ANKRD18A: variants seen among roughly 807,000 people sequenced by gnomAD.
ANKRD18A encodes the protein ankyrin repeat domain 18A, also known as ankyrin repeat domain-containing protein 18A.
A neutral mutation model predicts 110.6 loss-of-function variants in ANKRD18A; 72 were observed. That is an observed-to-expected ratio of 0.65 (90% CI 0.54 to 0.79). The LOEUF is 0.79. Ranked by LOEUF, ANKRD18A falls within the 30% of genes least tolerant of loss-of-function variation. The pLI is 0.00. For synonymous variants in ANKRD18A, 305 were observed against 410.3 expected (o/e 0.74, Z 3.10); for missense variants, 934 against 1,163.3 (o/e 0.80, Z 2.87).
downstream of ANKRD18A, chr9:38,571,183 C>G (rs747933696): frequency 5.9e-6 from 9 of 1,532,556 alleles, no homozygotes; most frequent in South Asian, 2.4e-5. Flanking sequence ...GGGAAGGGCT[C>G]GCCTGTGCTT....
chr9:38,592,236 C>G (rs1824682139), intron 10 of ANKRD18A, among the ~76,000 whole-genome samples: 1 of 151,912 alleles, frequency 6.6e-6, no homozygotes, highest in Non-Finnish European at 1.5e-5. Context: ...ATATTTTGTT[C>G]TATGCTGAAA....
intron 8 of ANKRD18A, among the ~76,000 whole-genome samples, chr9:38,597,848 G>A (rs1301295087): frequency 3.3e-5 from 5 of 152,088 alleles, no homozygotes; most frequent in African/African-American, 1.2e-4. Flanking sequence ...CTACTTATAT[G>A]ATAAAATCAT....
At chr9:38,590,470 T>C (rs1316385936) in intron 10 of ANKRD18A, among the ~76,000 whole-genome samples, 1 of 152,152 alleles carries the variant, frequency 6.6e-6, no homozygotes, top group East Asian at 1.9e-4. Flanking sequence ...CAGGCTCTTC[T>C]TGTACTTCTG....
chr9:38,611,689 A>T (rs1825627200), intron 3 of ANKRD18A, among the ~76,000 whole-genome samples: 2 of 152,130 alleles, frequency 1.3e-5, no homozygotes, highest in African/African-American at 4.8e-5. Flanking sequence ...AACCTAAGAC[A>T]TAGTAGCGAA....
chr9:38,594,378 T>G (rs1228752045), intron 9 of ANKRD18A, among the ~76,000 whole-genome samples: 1 of 152,176 alleles, frequency 6.6e-6, no homozygotes, highest in Admixed American at 6.6e-5. Flanking sequence ...GGGGATTCAA[T>G]GTCAAACTCA....
At chr9:38,576,291 G>C (rs151054495) in intron 14 of ANKRD18A, among the ~76,000 whole-genome samples, 3,119 of 152,246 alleles carry the variant, frequency 0.02, 55 homozygotes, top group Non-Finnish European at 0.03. Context: ...ATAACTCAGA[G>C]CAACAACTCC....
chr9:38,580,370 G>A (rs1824104519), intron 12 of ANKRD18A, among the ~76,000 whole-genome samples: 1 of 152,158 alleles, frequency 6.6e-6, no homozygotes, highest in Admixed American at 6.5e-5. Context: ...ACTGTCTCTA[G>A]CCTGGATGAC....
At chr9:38,584,159 CCTT>C (rs1190705683) in intron 12 of ANKRD18A, among the ~76,000 whole-genome samples, 1 of 152,214 alleles carries the variant, frequency 6.6e-6, no homozygotes, top group African/African-American at 2.4e-5. Context: ...TAAATTCTGT[CCTT>C]CTCACCCTTC....
intron 1 of ANKRD18A, among the ~76,000 whole-genome samples, chr9:38,617,711 A>G (rs1351510731): frequency 6.6e-6 from 1 of 152,170 alleles, no homozygotes; most frequent in East Asian, 1.9e-4. Context: ...TACTATTCCT[A>G]TTTTAAATCT....
In ANKRD18A at chr9:38,586,625, C is replaced by A. The variant is rs892178616; in HGVS notation, c.2118-313G>T. Among the ~76,000 whole-genome samples, 7 of 151,768 alleles carry A rather than the reference C, an allele frequency of 4.6e-5. No homozygotes were observed. The East Asian group carries it at 1.4e-3, about 29-fold the overall frequency. ...TGTTGCTCAGGCTGAAGTGTGATGG[C>A]GTGATCACGGCTCACTGCAACTTCT... On this transcript the variant is annotated intron_variant, in intron 11 of 15. Coordinates refer to ENST00000399703, the MANE Select transcript of ANKRD18A (RefSeq NM_147195.4).
At chr9:38,591,679 C>T (rs1227075332) in intron 10 of ANKRD18A, among the ~76,000 whole-genome samples, 1 of 152,206 alleles carries the variant, frequency 6.6e-6, no homozygotes, top group Non-Finnish European at 1.5e-5. Context: ...CTGAATCATT[C>T]TTCACACCAC....
intron 8 of ANKRD18A, among the ~76,000 whole-genome samples, chr9:38,598,804 A>T (rs1654002282): frequency 6.6e-6 from 1 of 152,238 alleles, no homozygotes; most frequent in South Asian, 2.1e-4. Context: ...TTGTGGAACA[A>T]GCGCTGTATT....
intron 10 of ANKRD18A, among the ~76,000 whole-genome samples, chr9:38,590,875 C>T (rs1442127140): frequency 1.3e-5 from 2 of 152,232 alleles, no homozygotes; most frequent in East Asian, 3.9e-4. Flanking sequence ...AAAGCTGCCC[C>T]TTATTATATG....
At chr9:38,569,102 G>T (rs1823547089), downstream of ANKRD18A, 2 of 985,414 alleles carry the variant, frequency 2.0e-6, no homozygotes, top group Non-Finnish European at 2.4e-6. Flanking sequence ...CCACCAAGGG[G>T]GGTCAGATGC....
intron 12 of ANKRD18A, among the ~76,000 whole-genome samples, chr9:38,581,781 A>C (rs1047522179): frequency 2.0e-5 from 3 of 152,162 alleles, no homozygotes; most frequent in African/African-American, 7.2e-5. Flanking sequence ...TGAAATTCAA[A>C]ATACTAATCT....
intron 8 of ANKRD18A, among the ~76,000 whole-genome samples, chr9:38,599,060 T>A (rs1201294289): frequency 6.6e-6 from 1 of 152,242 alleles, no homozygotes; most frequent in African/African-American, 2.4e-5. Context: ...CCTTAATTTT[T>A]CAATTTCTGT....
chr9:38,574,834 C>T (rs998984266), intron 15 of ANKRD18A, among the ~76,000 whole-genome samples: 1 of 151,802 alleles, frequency 6.6e-6, no homozygotes. Flanking sequence ...AGAGGCTCAC[C>T]CCTGTAATCC....
chr9:38,570,420 C>A (rs1199772998), downstream of ANKRD18A, among the ~76,000 whole-genome samples: 1 of 152,106 alleles, frequency 6.6e-6, no homozygotes, highest in Non-Finnish European at 1.5e-5. Context: ...ACTGAATACA[C>A]CCCACCGACC....
chr9:38,600,878 A>G, intron 8 of ANKRD18A, among the ~76,000 whole-genome samples: 1 of 152,226 alleles, frequency 6.6e-6, no homozygotes, highest in Non-Finnish European at 1.5e-5. Flanking sequence ...TATAAAAATA[A>G]AAGAGCAAAG....
Sources: allele counts gnomAD v4.1 joint callset (sites outside exome capture counted in the v4.1 genomes callset), GRCh38; gene constraint gnomAD v4.1.1; transcripts MANE v1.5; gene names NCBI Gene and HGNC (gene_info 2026-07-23, HGNC 2026-07-21).